MACROD1: variants seen among roughly 807,000 people sequenced by gnomAD.
MACROD1 encodes the protein mono-ADP ribosylhydrolase 1, also known as ADP-ribose glycohydrolase MACROD1.
Under a neutral mutation model 41.4 loss-of-function variants are expected in MACROD1, and 31 were observed. That is an observed-to-expected ratio of 0.75 (90% confidence interval 0.56 to 1.01). The LOEUF (loss-of-function observed/expected upper bound fraction) is 1.01, where lower values mean the gene tolerates loss of function less well. Among genes scored for constraint, MACROD1 ranks in the 50% least tolerant of loss-of-function variants. The pLI is 0.00. For missense variants in MACROD1, 473 were observed against 460.0 expected, an observed-to-expected ratio of 1.03 and a Z score of -0.26; for synonymous variants, 252 against 203.4, an observed-to-expected ratio of 1.24 and a Z score of -2.03.
chr11:64,121,801 G>A (rs192793998), intron 3 of MACROD1, among the ~76,000 whole-genome samples: 15 of 152,304 alleles, frequency 9.8e-5, no homozygotes, highest in African/African-American at 3.6e-4. Context: ...TAACCTCAGC[G>A]GCCCCAGCAC....
intron 3 of MACROD1, among the ~76,000 whole-genome samples, chr11:64,028,420 C>T (rs192703500): frequency 7.9e-5 from 12 of 152,336 alleles, no homozygotes; most frequent in African/African-American, 2.9e-4. Context: ...GGGCTCCACG[C>T]TGCAGAGGGA....
In MACROD1 at chr11:64,117,938, C is replaced by T. The variant is rs200955257; in HGVS notation, c.517+33301G>A. On this transcript the variant is annotated intron_variant, in intron 3 of 10. Transcript: ENST00000255681. ...CGAGCCTGCCCCTGGCGGGCATCAT[C>T]GGCGGGGCAGTGGCTCTGGTCTTCC... 3.1e-5 allele frequency: 50 copies of T among 1,613,530 alleles called. No homozygotes were observed. In the Middle Eastern group the frequency reaches 4.9e-4, roughly 16 times the overall value.
chr11:64,145,523 G>A (rs1472758831), intron 3 of MACROD1, among the ~76,000 whole-genome samples: 1 of 152,180 alleles, frequency 6.6e-6, no homozygotes, highest in Non-Finnish European at 1.5e-5. Flanking sequence ...CGGTGGAACT[G>A]ATGCTGATGC....
chr11:64,079,731 G>T (rs1189734400), intron 3 of MACROD1, among the ~76,000 whole-genome samples: 1 of 152,086 alleles, frequency 6.6e-6, no homozygotes, highest in African/African-American at 2.4e-5. Flanking sequence ...GAGAGAGTGG[G>T]GCGCACGCTC....
intron 1 of MACROD1, among the ~76,000 whole-genome samples, chr11:64,153,845 A>G (rs1476982053): frequency 6.6e-6 from 1 of 151,658 alleles, no homozygotes; most frequent in Admixed American, 6.6e-5. Flanking sequence ...TGCCAAGCCC[A>G]CCTCCCAGAG....
At chr11:64,115,761 C>T (rs1466957028) in intron 3 of MACROD1, among the ~76,000 whole-genome samples, 1 of 152,166 alleles carries the variant, frequency 6.6e-6, no homozygotes, top group African/African-American at 2.4e-5. Context: ...TCGTGCAGTG[C>T]CAGGGAAACA....
intron 3 of MACROD1, chr11:64,117,420 G>A: frequency 3.1e-6 from 5 of 1,612,382 alleles, no homozygotes; most frequent in Non-Finnish European, 4.2e-6. Context: ...GGGGCCGCAG[G>A]GCGGCGTGGC....
At chr11:64,051,867 G>A (rs116837121) in intron 3 of MACROD1, among the ~76,000 whole-genome samples, 2,198 of 151,852 alleles carry the variant, frequency 0.014, 45 homozygotes, top group African/African-American at 0.05. Context: ...GGCCATGGCC[G>A]TCCCATCGTG....
intron 3 of MACROD1, among the ~76,000 whole-genome samples, chr11:64,021,327 G>C (rs1325963629): frequency 1.3e-5 from 2 of 152,206 alleles, no homozygotes; most frequent in Non-Finnish European, 2.9e-5. Context: ...AGTGGCAGGA[G>C]GCCAGAGCCA....
intron 1 of MACROD1, among the ~76,000 whole-genome samples, chr11:64,162,203 G>C (rs1001165661): frequency 6.6e-6 from 1 of 152,120 alleles, no homozygotes; most frequent in Non-Finnish European, 1.5e-5. Flanking sequence ...AATTAGCTAG[G>C]CGTGGTGGCG....
At chr11:64,095,994 T>G (rs1944570511) in intron 3 of MACROD1, among the ~76,000 whole-genome samples, 1 of 152,108 alleles carries the variant, frequency 6.6e-6, no homozygotes, top group African/African-American at 2.4e-5. Flanking sequence ...CAGGGGCCCA[T>G]GAGCCTGCAG....
At chr11:64,106,149 C>T (rs973869245) in intron 3 of MACROD1, among the ~76,000 whole-genome samples, 15 of 152,098 alleles carry the variant, frequency 9.9e-5, no homozygotes, top group African/African-American at 7.2e-5. Flanking sequence ...CTGAGATAGG[C>T]GGTAGGAGAC....
chr11:64,157,724 T>C (rs1945691242), intron 1 of MACROD1, among the ~76,000 whole-genome samples: 1 of 152,144 alleles, frequency 6.6e-6, no homozygotes, highest in Non-Finnish European at 1.5e-5. Flanking sequence ...AAGAAGTGTC[T>C]TTATGGCACT....
intron 3 of MACROD1, among the ~76,000 whole-genome samples, chr11:64,079,786 C>T (rs1448024487): frequency 6.6e-6 from 1 of 152,070 alleles, no homozygotes; most frequent in African/African-American, 2.4e-5. Flanking sequence ...AAGGCACTTC[C>T]ATCTGGAGGT....
intron 3 of MACROD1, among the ~76,000 whole-genome samples, chr11:64,137,740 G>A (rs1052340283): frequency 1.3e-5 from 2 of 152,158 alleles, no homozygotes; most frequent in Admixed American, 6.5e-5. Context: ...AGAGCAGGCC[G>A]TGACCAGGAA....
chr11:64,138,479 G>A (rs539166228), intron 3 of MACROD1: 203 of 982,694 alleles, frequency 2.1e-4, no homozygotes, highest in Non-Finnish European at 2.4e-4. Flanking sequence ...TCTCCTCAAC[G>A]TCCTCAGCAA....
chr11:64,087,812 C>T (rs1944421226), intron 3 of MACROD1, among the ~76,000 whole-genome samples: 1 of 152,242 alleles, frequency 6.6e-6, no homozygotes, highest in African/African-American at 2.4e-5. Context: ...GCTGGCTTCT[C>T]TGCACTGTGG....
At chr11:64,106,203 T>C (rs1363846088) in intron 3 of MACROD1, among the ~76,000 whole-genome samples, 1 of 152,086 alleles carries the variant, frequency 6.6e-6, no homozygotes, top group Admixed American at 6.5e-5. Context: ...AGGCCTGGGT[T>C]TGTGGCCACC....
chr11:64,106,202 T>A (rs1944760600), intron 3 of MACROD1, among the ~76,000 whole-genome samples: 1 of 151,942 alleles, frequency 6.6e-6, no homozygotes. Flanking sequence ...GAGGCCTGGG[T>A]TTGTGGCCAC....
Sources: allele counts gnomAD v4.1 joint callset (sites outside exome capture counted in the v4.1 genomes callset), GRCh38; gene constraint gnomAD v4.1.1; transcripts MANE v1.5; gene names NCBI Gene and HGNC (gene_info 2026-07-23, HGNC 2026-07-21).